KIF3A: variants seen among roughly 807,000 people sequenced by gnomAD.
The protein encoded by KIF3A is kinesin-like protein KIF3A.
Under a neutral mutation model 92.6 loss-of-function variants are expected in KIF3A, and 27 were observed. The ratio of observed to expected loss-of-function variants is 0.29; its 90% CI spans 0.21 to 0.40. KIF3A has a LOEUF of 0.40. Among genes scored for constraint, KIF3A ranks in the 10% least tolerant of loss-of-function variants. The pLI is 1.00. For synonymous variants in KIF3A, 250 were observed against 275.4 expected (o/e 0.91, Z 0.92); for missense variants, 581 against 872.6 (o/e 0.67, Z 4.21).
intron 2 of KIF3A, among the ~76,000 whole-genome samples, chr5:132,733,658 T>G (rs1488138539): frequency 1.3e-5 from 2 of 152,170 alleles, no homozygotes; most frequent in Non-Finnish European, 2.9e-5. Flanking sequence ...TTCTCATTAC[T>G]CAGGAGGCAG....
rs1561708578 is a variant in KIF3A at position 132,724,802 on chromosome 5, AAAAAATATAT to A, written c.510+1316_510+1325del. 3.9e-4 allele frequency among the ~76,000 whole-genome samples: 13 copies of A among 33,326 alleles called. 1 individual carries two copies. Among genetic ancestry groups the A allele is most frequent in the African/African-American group, 1.5e-3 (13 of 8,478 alleles). The allele number at this position is 33,326 out of a possible 152,430, so 21.9% of individuals were successfully genotyped here. A position where few individuals can be genotyped will look rare whatever the true frequency, so the allele number is the denominator to read the frequency against. On this transcript the variant is annotated intron_variant, in intron 4 of 18. Coordinates refer to ENST00000403231, the MANE Select transcript of KIF3A (RefSeq NM_001300791.2). ...GAACTTAAAGTATAATAAAAAAAAA[AAAAAATATAT>A]ATATATATATATATATATATATATA... is the stretch of plus-strand genomic sequence containing the variant.
At chr5:132,727,930 C>T (rs879487210) in intron 2 of KIF3A, among the ~76,000 whole-genome samples, 1 of 152,100 alleles carries the variant, frequency 6.6e-6, no homozygotes, top group Admixed American at 6.5e-5. Flanking sequence ...ATAATCATAA[C>T]ACACTTTTCA....
intron 4 of KIF3A, chr5:132,723,805 T>C (rs998767998): frequency 6.6e-6 from 1 of 152,152 alleles, no homozygotes; most frequent in Admixed American, 6.5e-5. Context: ...AAATGGGATC[T>C]AATTAAACTA....
chr5:132,692,184 C>T (rs1457482447), downstream of KIF3A, among the ~76,000 whole-genome samples: 2 of 152,016 alleles, frequency 1.3e-5, no homozygotes, highest in East Asian at 1.9e-4. Flanking sequence ...AACCAAATAC[C>T]GCATGTTGTC....
intron 9 of KIF3A, 76 bp downstream of exon 9, chr5:132,710,882 CA>C (rs1418023341): frequency 2.5e-6 from 4 of 1,588,888 alleles, no homozygotes; most frequent in Admixed American, 3.6e-5. Context: ...CAGATAACGG[CA>C]AAATAAAAGT....
At chr5:132,690,438 C>A (rs1481145448), downstream of KIF3A, among the ~76,000 whole-genome samples, 3 of 151,952 alleles carry the variant, frequency 2.0e-5, no homozygotes, top group African/African-American at 7.3e-5. Flanking sequence ...GATAGAAGGT[C>A]TAGTGTTTTT....
At chr5:132,722,104 A>C (rs1202992111) in intron 4 of KIF3A, among the ~76,000 whole-genome samples, 1 of 152,192 alleles carries the variant, frequency 6.6e-6, no homozygotes, top group African/African-American at 2.4e-5. Context: ...ACCTACTCTC[A>C]GTTTTTGTGT....
intron 2 of KIF3A, among the ~76,000 whole-genome samples, chr5:132,727,131 A>G (rs1754059465): frequency 6.6e-6 from 1 of 152,228 alleles, no homozygotes; most frequent in African/African-American, 2.4e-5. Flanking sequence ...TAAGAAACAG[A>G]GTTAACAAAA....
In KIF3A at chr5:132,715,790, C is replaced by T. The variant is rs2149906421; in HGVS notation, c.1096G>A (p.Glu366Lys). 2 of 1,608,052 alleles carry T rather than the reference C, an allele frequency of 1.2e-6. No homozygotes were observed. Among genetic ancestry groups the T allele is most frequent in the East Asian group, 2.2e-5 (1 of 44,784 alleles). The change falls in exon 8 of 19, where the codon GAA becomes AAA. Residue 366 changes from glutamate (E) to lysine (K), a missense_variant. Transcript: ENST00000403231. ...KDALLRQFQK[E>K]IEELKKKLEE... ...AGCTTCTTTTTCAGTTCTTCTATTT[C>T]TTTCTGGAACTGACGCAGCAAAGCA...
intron 4 of KIF3A, among the ~76,000 whole-genome samples, chr5:132,725,584 G>A (rs958902319): frequency 6.6e-6 from 1 of 152,124 alleles, no homozygotes; most frequent in Admixed American, 6.6e-5. Flanking sequence ...ATATGACCTT[G>A]AGCAAGTCAA....
chr5:132,721,966 A>G (rs998258749), intron 4 of KIF3A, among the ~76,000 whole-genome samples: 6 of 152,222 alleles, frequency 3.9e-5, no homozygotes, highest in African/African-American at 9.6e-5. Flanking sequence ...TTACTGGTCT[A>G]TATCAATGCT....
rs116556254 is a variant in KIF3A at position 132,709,974 on chromosome 5, A to T, written c.1228+985T>A. Among the ~76,000 whole-genome samples the T allele has an allele frequency of 3.6e-3, 556 of 152,338 alleles. 2 individuals carry two copies. The highest frequency in any genetic ancestry group is 0.013 in the African/African-American group (525 of 41,586). ...TGATGGGTTTATTTTTAGCACAATC[A>T]TTTTAATAAGACAAACAAAATATGC... On this transcript the variant is annotated intron_variant, in intron 9 of 18. Transcript: ENST00000403231.
At chr5:132,721,686 G>T (rs747573228) in intron 4 of KIF3A, 14 of 150,584 alleles carry the variant, frequency 9.3e-5, no homozygotes, top group Non-Finnish European at 1.6e-4. Flanking sequence ...TCTGTCATGG[G>T]ATATAAATTA....
At chr5:132,706,578 CATTT>C in intron 10 of KIF3A, 119 bp from the exon 11 acceptor site, 2 of 684,348 alleles carry the variant, frequency 2.9e-6, no homozygotes, top group South Asian at 5.7e-5. Flanking sequence ...TAATAGCATT[CATTT>C]AAGTGTAGAA....
intron 5 of KIF3A, among the ~76,000 whole-genome samples, chr5:132,718,093 CA>C (rs1325328058): frequency 2.0e-5 from 3 of 152,120 alleles, no homozygotes; most frequent in Non-Finnish European, 4.4e-5. Flanking sequence ...GTAACCACTA[CA>C]ATCTGTCCTT....
intron 4 of KIF3A, among the ~76,000 whole-genome samples, chr5:132,724,814 TATATATATATATATA>T (rs1561708939): frequency 0.025 from 342 of 13,730 alleles, 19 homozygotes; most frequent in Non-Finnish European, 0.057. Flanking sequence ...AAAATATATA[TATATATATATATATA>T]TATATATATA....
chr5:132,719,513 T>A (rs2149909872), intron 5 of KIF3A, among the ~76,000 whole-genome samples: 1 of 152,196 alleles, frequency 6.6e-6, no homozygotes, highest in East Asian at 1.9e-4. Flanking sequence ...TTTTTCTTTT[T>A]TTTTTGGTTG....
At chr5:132,719,829 G>C (rs958765784) in intron 5 of KIF3A, among the ~76,000 whole-genome samples, 1 of 152,026 alleles carries the variant, frequency 6.6e-6, no homozygotes, top group Non-Finnish European at 1.5e-5. Context: ...ACCAGTACTA[G>C]GTTTGAGGCA....
intron 5 of KIF3A, among the ~76,000 whole-genome samples, chr5:132,718,301 T>C (rs1448876547): frequency 6.6e-6 from 1 of 152,206 alleles, no homozygotes; most frequent in Non-Finnish European, 1.5e-5. Context: ...CACATTTACC[T>C]GACTGGGTTT....
Sources: allele counts gnomAD v4.1 joint callset (sites outside exome capture counted in the v4.1 genomes callset), GRCh38; gene constraint gnomAD v4.1.1; transcripts MANE v1.5; gene names NCBI Gene and HGNC (gene_info 2026-07-23, HGNC 2026-07-21).